The following GMCL1 variants were observed in gnomAD, a reference collection of about 807,000 sequenced individuals.
GMCL1 encodes the protein germ cell-less protein-like 1.
In GMCL1, 54 loss-of-function variants were observed where a neutral mutation model predicts 75.5. That is an observed-to-expected ratio of 0.71 (90% CI 0.57 to 0.90). The LOEUF (loss-of-function observed/expected upper bound fraction) is 0.90, where lower values mean the gene tolerates loss of function less well. GMCL1 is among the 40% of genes least tolerant of loss of function. The probability of loss-of-function intolerance (pLI) is 0.00; values close to 1 mark genes in which losing one functional copy is unlikely to be tolerated. For missense variants in GMCL1, 537 were observed against 622.7 expected (o/e 0.86, Z 1.47); for synonymous variants, 210 against 209.6 (o/e 1.00, Z -0.02).
intron 13 of GMCL1, among the ~76,000 whole-genome samples, chr2:69,874,746 T>G (rs1445971379): frequency 2.0e-5 from 3 of 151,480 alleles, no homozygotes; most frequent in Admixed American, 2.0e-4. Context: ...GTTTTTACTT[T>G]TTTTTTTTTT....
At chr2:69,876,983 G>C (rs1488228846) in intron 13 of GMCL1, among the ~76,000 whole-genome samples, 1 of 152,074 alleles carries the variant, frequency 6.6e-6, no homozygotes, top group African/African-American at 2.4e-5. Context: ...GTCAGACCCT[G>C]TCTCAAAACA....
chr2:69,832,219 C>CA (rs774662812), intron 1 of GMCL1, among the ~76,000 whole-genome samples: 10,861 of 117,622 alleles, frequency 0.092, 1,321 homozygotes, highest in African/African-American at 0.3. Flanking sequence ...GACTCTGTCT[C>CA]AAAAAAAAAA....
At chr2:69,839,606 T>C (rs1466766967) in intron 3 of GMCL1, 53 bp downstream of exon 3, 3 of 1,138,770 alleles carry the variant, frequency 2.6e-6, no homozygotes, top group African/African-American at 1.5e-5. Context: ...CATAATCTTA[T>C]TCTTCTGGTA....
intron 6 of GMCL1, among the ~76,000 whole-genome samples, chr2:69,846,632 A>G (rs940926039): frequency 1.5e-4 from 23 of 152,194 alleles, no homozygotes; most frequent in African/African-American, 5.3e-4. Context: ...TTGGCTTTTT[A>G]TGGCTCAAAG....
At chr2:69,845,735 A>G (rs1675121043) in intron 6 of GMCL1, among the ~76,000 whole-genome samples, 1 of 152,226 alleles carries the variant, frequency 6.6e-6, no homozygotes, top group Non-Finnish European at 1.5e-5. Flanking sequence ...TATTTGTAGT[A>G]ATGGGACTAA....
intron 5 of GMCL1, 138 bp from the exon 6 acceptor site, chr2:69,843,988 TAATAC>T (rs1262543099): frequency 1.6e-5 from 7 of 449,884 alleles, no homozygotes; most frequent in African/African-American, 1.2e-4. Flanking sequence ...CTGACAAAAA[TAATAC>T]TAAATTTCCT....
chr2:69,833,090 C>T (rs1674720909), intron 1 of GMCL1, among the ~76,000 whole-genome samples: 1 of 152,146 alleles, frequency 6.6e-6, no homozygotes, highest in Non-Finnish European at 1.5e-5. Flanking sequence ...ACACTGCCTA[C>T]TAGGATGCCA....
At chr2:69,862,307 A>T (rs1675677849) in intron 10 of GMCL1, among the ~76,000 whole-genome samples, 1 of 152,146 alleles carries the variant, frequency 6.6e-6, no homozygotes, top group Non-Finnish European at 1.5e-5. Flanking sequence ...TAATGACCTA[A>T]TTATAAGTTT....
At chr2:69,841,578 T>C (rs1253668812) in intron 4 of GMCL1, among the ~76,000 whole-genome samples, 1 of 152,188 alleles carries the variant, frequency 6.6e-6, no homozygotes, top group Non-Finnish European at 1.5e-5. Flanking sequence ...ATCCTTACTT[T>C]CAAAAAGTTC....
intron 10 of GMCL1, 98 bp from the exon 11 acceptor site, chr2:69,864,802 A>G (rs1675762191): frequency 1.3e-6 from 1 of 752,876 alleles, no homozygotes; most frequent in Admixed American, 2.8e-5. Context: ...CTTATTTTTA[A>G]ATCTGGTAGC....
chr2:69,869,417 C>CAAA (rs34136837), intron 11 of GMCL1: 62 of 63,998 alleles, frequency 9.7e-4, no homozygotes, highest in Non-Finnish European at 1.4e-3. Flanking sequence ...GACTCTGTCT[C>CAAA]AAAAAAAAAA....
chr2:69,843,127 C>T (rs1207395532), intron 4 of GMCL1, 22 bp from the exon 5 acceptor site: 2 of 1,391,908 alleles, frequency 1.4e-6, no homozygotes, highest in East Asian at 2.3e-5. Context: ...TGGGCCTTTC[C>T]AGTGCTTATT....
chr2:69,877,662 T>A (rs920952715), intron 13 of GMCL1, among the ~76,000 whole-genome samples: 4 of 152,024 alleles, frequency 2.6e-5, no homozygotes, highest in Non-Finnish European at 5.9e-5. Flanking sequence ...CTGATGTCTT[T>A]TTATAATACC....
intron 1 of GMCL1, among the ~76,000 whole-genome samples, chr2:69,834,268 G>T (rs1237902425): frequency 2.6e-5 from 4 of 152,056 alleles, no homozygotes; most frequent in Non-Finnish European, 5.9e-5. Context: ...CTAAAACCTA[G>T]ACCTCTTCCA....
chr2:69,864,676 A>T (rs1675758314), intron 10 of GMCL1, among the ~76,000 whole-genome samples: 1 of 145,376 alleles, frequency 6.9e-6, no homozygotes, highest in Non-Finnish European at 1.5e-5. Flanking sequence ...TAATAAAAGT[A>T]GTCCAGAAGT....
At chr2:69,877,116 C>T (rs1242319438) in intron 13 of GMCL1, among the ~76,000 whole-genome samples, 2 of 152,140 alleles carry the variant, frequency 1.3e-5, no homozygotes, top group Non-Finnish European at 1.5e-5. Context: ...TATGTGGGCT[C>T]CACAGATTCC....
At chr2:69,842,034 G>A (rs995542646) in intron 4 of GMCL1, among the ~76,000 whole-genome samples, 1 of 152,296 alleles carries the variant, frequency 6.6e-6, no homozygotes. Flanking sequence ...GGGGAAAGAC[G>A]AAGTTATGTT....
rs1198925774 is a variant in GMCL1 at position 69,840,733 on chromosome 2, CAG to C, written c.482-207_482-206del. 4.6e-5 allele frequency among the ~76,000 whole-genome samples: 7 copies of C among 152,342 alleles called. 1 individual carries two copies. The highest frequency in any genetic ancestry group is 4.1e-4 in the South Asian group (2 of 4,826). On this transcript the variant is annotated intron_variant, in intron 3 of 13. Coordinates refer to ENST00000282570, the MANE Select transcript of GMCL1 (RefSeq NM_178439.5). The stretch of plus-strand genomic sequence containing the variant: ...ATGCAGCTAGATTTGGTAGAATAAA[CAG>C]AAATTTATAACCTTGTTATTAAATT...
intron 13 of GMCL1, among the ~76,000 whole-genome samples, chr2:69,876,955 T>C (rs1302291365): frequency 6.6e-6 from 1 of 152,170 alleles, no homozygotes; most frequent in Admixed American, 6.5e-5. Context: ...GCCACCGCAC[T>C]CCAGCCTGGG....
Sources: allele counts gnomAD v4.1 joint callset (sites outside exome capture counted in the v4.1 genomes callset), GRCh38; gene constraint gnomAD v4.1.1; transcripts MANE v1.5; gene names NCBI Gene and HGNC (gene_info 2026-07-23, HGNC 2026-07-21).